NLGN1: variants seen among roughly 807,000 people sequenced by gnomAD.
NLGN1 encodes neuroligin-1.
In NLGN1, 12 loss-of-function variants were observed where a neutral mutation model predicts 65.5. The observed-to-expected ratio is 0.18, with a 90% confidence interval of 0.12 to 0.30. The LOEUF (loss-of-function observed/expected upper bound fraction) is 0.30. Ranked by LOEUF, NLGN1 falls within the 10% of genes least tolerant of loss-of-function variation. The pLI, the probability that NLGN1 is intolerant of heterozygous loss-of-function variation, is 1.00. For synonymous variants in NLGN1, 350 were observed against 359.5 expected (o/e 0.97, Z 0.30); for missense variants, 750 against 1,007.1 (o/e 0.74, Z 3.46).
chr3:173,721,962 A>T, intron 3 of NLGN1, among the ~76,000 whole-genome samples: 1 of 150,284 alleles, frequency 6.7e-6, no homozygotes, highest in East Asian at 1.9e-4. Flanking sequence ...AAGGGACCCC[A>T]GTGGAACGGA....
Position 173,491,970 on chromosome 3 carries a change from A to G in NLGN1, c.-321+56892A>G, listed in dbSNP as rs915041672. ...ATGTGACCCACCTGTGATCCTTAGC[A>G]CCCTTATTATTCTCACTTGAGTGCT... On this transcript the variant is annotated intron_variant, in intron 2 of 6. Coordinates refer to ENST00000457714, the Ensembl canonical transcript of NLGN1. Among the ~76,000 whole-genome samples, 6 of 151,616 alleles carry G rather than the reference A, an allele frequency of 4.0e-5. 1 individual carries two copies. The highest frequency in any genetic ancestry group is 3.3e-4 in the Admixed American group (5 of 15,206).
chr3:173,606,021 T>C (rs1415022206), intron 3 of NLGN1, among the ~76,000 whole-genome samples: 2 of 152,116 alleles, frequency 1.3e-5, no homozygotes, highest in Non-Finnish European at 2.9e-5. Flanking sequence ...TTGTTTATTC[T>C]CAGCATTCCA....
intron 2 of NLGN1, among the ~76,000 whole-genome samples, chr3:173,443,319 CTA>C (rs71897743): frequency 0.79 from 115,720 of 146,528 alleles, 46,668 homozygotes; most frequent in East Asian, 0.96. Context: ...TATATATATA[CTA>C]TATATATATA....
chr3:173,541,285 G>A (rs988536354), intron 2 of NLGN1, among the ~76,000 whole-genome samples: 2 of 152,110 alleles, frequency 1.3e-5, no homozygotes, highest in African/African-American at 4.8e-5. Flanking sequence ...TAATCCTAGT[G>A]TATGACTCAG....
rs561283815 is a variant in NLGN1, at chr3:173,907,582, CT to C, written c.646+99770del. On this transcript the variant is annotated intron_variant, in intron 4 of 6. Transcript: ENST00000457714. The stretch of plus-strand genomic sequence containing the variant: ...CTTAGATGGCTTTATCTCTCTCTCT[CT>C]TTTTTTTTTTTTTTTTTTTGAGTTG... Among the ~76,000 whole-genome samples the C allele has an allele frequency of 7.4e-3, 889 of 120,676 alleles. 5 individuals are homozygous for C. The highest frequency in any genetic ancestry group is 0.011 in the African/African-American group (361 of 31,746). The allele number at this position is 120,676 out of a possible 152,430, so 79.2% of individuals were successfully genotyped here. A position where few individuals can be genotyped will look rare whatever the true frequency, so the allele number is the denominator to read the frequency against.
At chr3:173,906,335 T>A (rs749100668) in intron 4 of NLGN1, among the ~76,000 whole-genome samples, 5 of 152,220 alleles carry the variant, frequency 3.3e-5, no homozygotes, top group Non-Finnish European at 7.3e-5. Flanking sequence ...TACTGAAATC[T>A]GATCTCTTCT....
rs55915340 is a variant in NLGN1, at chr3:173,703,146, G to C, written c.493+98055G>C. Reference sequence around the variant, plus strand: ...AACCTTGGTCTTTCACACAGCTGTGGTGTAGAGATAACTTCCATTTATATT... The same window carrying C: ...AACCTTGGTCTTTCACACAGCTGTGCTGTAGAGATAACTTCCATTTATATT... On this transcript the variant is annotated intron_variant, in intron 3 of 6. Coordinates refer to ENST00000457714, the Ensembl canonical transcript of NLGN1. 8.3e-3 allele frequency among the ~76,000 whole-genome samples: 1,264 copies of C among 151,938 alleles called. 9 individuals carry two copies. The highest frequency in any genetic ancestry group is 0.014 in the Middle Eastern group (4 of 292).
intron 2 of NLGN1, among the ~76,000 whole-genome samples, chr3:173,439,233 G>A (rs1027108796): frequency 2.0e-5 from 3 of 152,110 alleles, no homozygotes; most frequent in Non-Finnish European, 4.4e-5. Flanking sequence ...AGAAGCACTG[G>A]TTTAAAGCCT....
At chr3:173,975,111 T>C (rs1717135415) in intron 4 of NLGN1, among the ~76,000 whole-genome samples, 1 of 152,058 alleles carries the variant, frequency 6.6e-6, no homozygotes, top group African/African-American at 2.4e-5. Context: ...AAATGGATTG[T>C]AACCACTTTT....
intron 4 of NLGN1, among the ~76,000 whole-genome samples, chr3:174,169,324 C>T (rs1458288692): frequency 6.6e-6 from 1 of 152,030 alleles, no homozygotes; most frequent in Admixed American, 6.6e-5. Flanking sequence ...CCTTGATGCA[C>T]CACATCTATG....
chr3:173,781,132 G>T (rs1010068912), intron 3 of NLGN1, among the ~76,000 whole-genome samples: 3 of 9,234 alleles, frequency 3.2e-4, no homozygotes, highest in East Asian at 9.4e-4. Context: ...GCTACAGAGC[G>T]AGACTCCGTC....
chr3:173,926,877 A>T (rs1743095094), intron 4 of NLGN1, among the ~76,000 whole-genome samples: 1 of 152,204 alleles, frequency 6.6e-6, no homozygotes, highest in South Asian at 2.1e-4. Context: ...CTTCAAAGTT[A>T]TAGGACTATT....
At chr3:173,493,567 A>T (rs1177031449) in intron 2 of NLGN1, among the ~76,000 whole-genome samples, 1 of 151,862 alleles carries the variant, frequency 6.6e-6, no homozygotes, top group African/African-American at 2.4e-5. Flanking sequence ...GTGCTGGGTA[A>T]AATTCCAAGT....
rs374014233 is a variant in NLGN1 at position 174,279,498 on chromosome 3, T to C, written c.1497T>C (p.Ala499=). 6.8e-6 allele frequency: 11 copies of C among 1,613,190 alleles called. No individual in the cohort carries two copies. Among genetic ancestry groups the C allele is most frequent in the Non-Finnish European group, 8.5e-6 (10 of 1,179,528 alleles). Residue 499 remains alanine (A), a synonymous_variant, in exon 6 of 7, where the codon GCT becomes GCC. Coordinates refer to ENST00000457714, the Ensembl canonical transcript of NLGN1. The surrounding 1 kb of genome is among the most constrained non-coding windows in gnomAD (Gnocchi z 4.7). ...ATTGCCAAACAGATCAGGTTCCAGC[T>C]TGGGCTGATGCAGCCCACGGAGACG...
At chr3:173,447,779 C>G in intron 2 of NLGN1, among the ~76,000 whole-genome samples, 1 of 152,060 alleles carries the variant, frequency 6.6e-6, no homozygotes, top group East Asian at 1.9e-4. Flanking sequence ...CCTTCACATC[C>G]CTTGTAAGTT....
intron 4 of NLGN1, among the ~76,000 whole-genome samples, chr3:173,821,166 C>T (rs1047556666): frequency 6.6e-6 from 1 of 152,014 alleles, no homozygotes; most frequent in African/African-American, 2.4e-5. Flanking sequence ...ATTTACAAAC[C>T]TTTTTAAGAG....
chr3:173,469,539 G>A (rs933610021), intron 2 of NLGN1, among the ~76,000 whole-genome samples: 9 of 151,934 alleles, frequency 5.9e-5, no homozygotes, highest in African/African-American at 2.2e-4. Flanking sequence ...TACGATTCAG[G>A]AGAATATTCC....
At chr3:173,432,483 G>A (rs1177733911) in intron 1 of NLGN1, among the ~76,000 whole-genome samples, 1 of 152,164 alleles carries the variant, frequency 6.6e-6, no homozygotes, top group Non-Finnish European at 1.5e-5. Context: ...GACATAGGAT[G>A]TGGAGCATCT....
chr3:173,502,777 C>T (rs1316166656), intron 2 of NLGN1, among the ~76,000 whole-genome samples: 1 of 152,088 alleles, frequency 6.6e-6, no homozygotes. Flanking sequence ...GTCCCCTCCC[C>T]TGGCAGTACT....
Sources: gnomAD v4.1 joint callset for allele counts (sites outside exome capture counted in the v4.1 genomes callset) on GRCh38, gnomAD v4.1.1 for gene constraint, Gnocchi (gnomAD v3.1) non-coding constraint, MANE v1.5 for transcripts, NCBI Gene and HGNC (gene_info 2026-07-23, HGNC 2026-07-21) for gene names.